The following GRIK4 variants were observed in gnomAD, a reference collection of about 807,000 sequenced individuals.
GRIK4 encodes the protein glutamate receptor ionotropic, kainate 4.
In GRIK4, 40 loss-of-function variants were observed where a neutral mutation model predicts 104.9. The ratio of observed to expected loss-of-function variants is 0.38; its 90% CI spans 0.30 to 0.50. The LOEUF is 0.50. Ranked by LOEUF, GRIK4 falls within the 20% of genes least tolerant of loss-of-function variation. The pLI is 0.93. For synonymous variants in GRIK4, 485 were observed against 524.9 expected, an observed-to-expected ratio of 0.92 and a Z score of 1.04; for missense variants, 1,047 against 1,308.1, an observed-to-expected ratio of 0.80 and a Z score of 3.08.
At chr11:120,602,513 A>G (rs967735330) in intron 1 of GRIK4, among the ~76,000 whole-genome samples, 1 of 152,180 alleles carries the variant, frequency 6.6e-6, no homozygotes, top group Non-Finnish European at 1.5e-5. Flanking sequence ...TTGGACAGGC[A>G]TTGATAACCC....
chr11:120,763,514 A>G (rs1951784699), intron 3 of GRIK4, among the ~76,000 whole-genome samples: 1 of 152,068 alleles, frequency 6.6e-6, no homozygotes, highest in African/African-American at 2.4e-5. Context: ...TTGCTTCTCT[A>G]GTTCTTTTAA....
At chr11:120,584,617 A>C (rs750999440) in intron 1 of GRIK4, among the ~76,000 whole-genome samples, 6 of 152,232 alleles carry the variant, frequency 3.9e-5, no homozygotes, top group Admixed American at 1.3e-4. Flanking sequence ...ATCCACCCTC[A>C]TGATCCAGTC....
At chr11:120,551,588 C>G (rs1414060942) in intron 1 of GRIK4, among the ~76,000 whole-genome samples, 1 of 152,232 alleles carries the variant, frequency 6.6e-6, no homozygotes, top group East Asian at 1.9e-4. Context: ...CAAGACTAGC[C>G]TGGCCAATGT....
intron 1 of GRIK4, among the ~76,000 whole-genome samples, chr11:120,514,583 T>C (rs112618615): frequency 0.088 from 13,406 of 152,168 alleles, 869 homozygotes; most frequent in African/African-American, 0.17. Context: ...CTCACCGTTT[T>C]CACCCCCACC....
intron 11 of GRIK4, among the ~76,000 whole-genome samples, chr11:120,876,810 C>T (rs571028615): frequency 1.3e-5 from 2 of 152,332 alleles, no homozygotes; most frequent in South Asian, 4.1e-4. Context: ...TTTTTAAACT[C>T]TACCTCACAA....
chr11:120,659,367 G>A (rs1398293030), intron 2 of GRIK4, among the ~76,000 whole-genome samples: 1 of 152,186 alleles, frequency 6.6e-6, no homozygotes, highest in Non-Finnish European at 1.5e-5. Flanking sequence ...CTCCATATTT[G>A]CTAGGAATGG....
intron 3 of GRIK4, among the ~76,000 whole-genome samples, chr11:120,680,772 C>T (rs184134182): frequency 4.5e-4 from 68 of 152,210 alleles, no homozygotes; most frequent in Admixed American, 1.5e-3. Flanking sequence ...TGGATAGAGG[C>T]GAAGGGAGCT....
At chr11:120,861,799 C>T (rs3824978) in intron 8 of GRIK4, among the ~76,000 whole-genome samples, 160 bp from the exon 9 acceptor site, 74,533 of 151,912 alleles carry the variant, frequency 0.49, 19,541 homozygotes, top group African/African-American at 0.67. Context: ...TGTTAACTCC[C>T]AGAAAAACTG....
chr11:120,896,774 C>T (rs1400055787), intron 11 of GRIK4, among the ~76,000 whole-genome samples: 2 of 152,226 alleles, frequency 1.3e-5, no homozygotes, highest in African/African-American at 2.4e-5. Context: ...GAGCCCAGTT[C>T]TGCGGAATAG....
chr11:120,637,106 C>G (rs923100694), intron 1 of GRIK4, among the ~76,000 whole-genome samples: 1 of 144,498 alleles, frequency 6.9e-6, no homozygotes, highest in Non-Finnish European at 1.5e-5. Flanking sequence ...AGAGAAGATG[C>G]AGGAAGAAAG....
chr11:120,732,463 GTTAT>G (rs951065711), intron 3 of GRIK4, among the ~76,000 whole-genome samples: 9 of 152,110 alleles, frequency 5.9e-5, no homozygotes, highest in South Asian at 2.1e-4. Flanking sequence ...GCATCATTAG[GTTAT>G]TTATTTGAAA....
chr11:120,650,141 C>T (rs762120978), intron 1 of GRIK4, among the ~76,000 whole-genome samples: 10 of 152,346 alleles, frequency 6.6e-5, no homozygotes, highest in Non-Finnish European at 1.3e-4. Flanking sequence ...CCTCTCACCT[C>T]TGCCTACCTC....
At chr11:120,648,681 G>A (rs1949574836) in intron 1 of GRIK4, among the ~76,000 whole-genome samples, 2 of 152,182 alleles carry the variant, frequency 1.3e-5, no homozygotes, top group Non-Finnish European at 2.9e-5. Flanking sequence ...AGGTGTATTA[G>A]CCTCACTCTG....
In GRIK4 at chr11:120,831,834, A is replaced by G. The variant is rs1414596722; in HGVS notation, c.512-18A>G. 6.3e-7 allele frequency: 1 copy of G among 1,599,888 alleles called. No individual in the cohort carries two copies. Among genetic ancestry groups the G allele is most frequent in the Non-Finnish European group, 8.6e-7 (1 of 1,168,902 alleles). ...AGCTCTGTGGACCCTCAGGGGCTTC[A>G]TCCTCTCTCCCCTCCAGGCCTTTTA... is the stretch of plus-strand genomic sequence containing the variant. On this transcript the variant is annotated intron_variant, in intron 6 of 20. Coordinates refer to ENST00000527524, the MANE Select transcript of GRIK4 (RefSeq NM_014619.5).
At chr11:120,792,940 A>G (rs1484029489) in intron 3 of GRIK4, among the ~76,000 whole-genome samples, 1 of 152,140 alleles carries the variant, frequency 6.6e-6, no homozygotes, top group African/African-American at 2.4e-5. Context: ...CCGTTGTTTA[A>G]AGGGGAGGCA....
At chr11:120,606,134 C>A (rs916745582) in intron 1 of GRIK4, among the ~76,000 whole-genome samples, 1 of 152,182 alleles carries the variant, frequency 6.6e-6, no homozygotes, top group South Asian at 2.1e-4. Flanking sequence ...ATATTAAATA[C>A]GTCCATTTAT....
At chr11:120,653,949 G>C (rs1268207897) in intron 2 of GRIK4, among the ~76,000 whole-genome samples, 157 bp downstream of exon 2, 2 of 152,202 alleles carry the variant, frequency 1.3e-5, no homozygotes, top group Non-Finnish European at 2.9e-5. Context: ...GATCAGCAAG[G>C]CTCCTACCTG....
chr11:120,605,311 A>G (rs1948945537), intron 1 of GRIK4, among the ~76,000 whole-genome samples: 1 of 152,192 alleles, frequency 6.6e-6, no homozygotes, highest in African/African-American at 2.4e-5. Context: ...TGAAGACTTG[A>G]CACTGCTCTG....
intron 1 of GRIK4, among the ~76,000 whole-genome samples, chr11:120,579,583 T>G (rs1222202231): frequency 1.3e-5 from 2 of 152,168 alleles, no homozygotes; most frequent in African/African-American, 4.8e-5. Context: ...GATTTATATT[T>G]GAAAAAGTTA....
Sources: allele counts gnomAD v4.1 joint callset (sites outside exome capture counted in the v4.1 genomes callset), GRCh38; gene constraint gnomAD v4.1.1; transcripts MANE v1.5; gene names NCBI Gene and HGNC (gene_info 2026-07-23, HGNC 2026-07-21).